The following MORF4L1 variants were observed in gnomAD, a reference collection of about 807,000 sequenced individuals.
MORF4L1 encodes the protein mortality factor 4-like protein 1.
MORF4L1 carries 4 observed loss-of-function variants against 52.9 expected under a neutral mutation model. The ratio of observed to expected loss-of-function variants is 0.08; its 90% CI spans 0.04 to 0.17. MORF4L1 has a LOEUF of 0.17. Ranked by LOEUF, MORF4L1 falls within the 10% of genes least tolerant of loss-of-function variation. MORF4L1 has a pLI of 1.00. For missense variants in MORF4L1, 214 were observed against 390.4 expected (o/e 0.55, Z 3.81); for synonymous variants, 123 against 134.8 (o/e 0.91, Z 0.61).
intron 8 of MORF4L1, among the ~76,000 whole-genome samples, chr15:78,893,202 T>G (rs772595206): frequency 3.3e-5 from 5 of 152,178 alleles, no homozygotes; most frequent in Non-Finnish European, 7.3e-5. Context: ...TTCGTGTCTG[T>G]TATGTGTGTG....
intron 1 of MORF4L1, chr15:78,873,849 C>T (rs1360744996): frequency 1.3e-5 from 2 of 152,360 alleles, no homozygotes; most frequent in South Asian, 4.1e-4. Context: ...TGTGAGTGAG[C>T]TCTCGCTTTG....
At chr15:78,886,410 A>C (rs1216850431) in intron 4 of MORF4L1, 183 bp downstream of exon 4, 1 of 605,192 alleles carries the variant, frequency 1.7e-6, no homozygotes, top group African/African-American at 1.9e-5. Flanking sequence ...AGGAAGTAGC[A>C]TACCTGCCAT....
intron 2 of MORF4L1, among the ~76,000 whole-genome samples, chr15:78,878,587 T>C (rs751907794): frequency 2.0e-5 from 3 of 148,770 alleles, no homozygotes; most frequent in Non-Finnish European, 4.5e-5. Context: ...AAGTTACTTT[T>C]AAAAGTAATA....
At chr15:78,886,395 G>C (rs2056703932) in intron 4 of MORF4L1, 168 bp downstream of exon 4, 2 of 633,004 alleles carry the variant, frequency 3.2e-6, no homozygotes, top group Non-Finnish European at 2.9e-6. Flanking sequence ...GCCATATCTA[G>C]GTAAAGGAAG....
intron 2 of MORF4L1, among the ~76,000 whole-genome samples, chr15:78,880,086 A>G (rs961158887): frequency 1.3e-5 from 2 of 152,236 alleles, no homozygotes; most frequent in Non-Finnish European, 2.9e-5. Context: ...ATTGCTTTAC[A>G]AGTTGTTTAA....
chr15:78,883,250 A>AGG (rs1410724269), intron 3 of MORF4L1, among the ~76,000 whole-genome samples: 2 of 151,674 alleles, frequency 1.3e-5, no homozygotes, highest in Non-Finnish European at 2.9e-5. Context: ...TAAAAAACTA[A>AGG]GGGAAACTAC....
intron 3 of MORF4L1, among the ~76,000 whole-genome samples, 182 bp downstream of exon 3, chr15:78,880,761 A>G (rs2056586530): frequency 6.6e-6 from 1 of 152,182 alleles, no homozygotes; most frequent in Non-Finnish European, 1.5e-5. Context: ...AGCCATTTTA[A>G]TTTAAATATA....
chr15:78,894,936 T>G (rs774134412), intron 11 of MORF4L1, 32 bp downstream of exon 11: 2 of 1,552,428 alleles, frequency 1.3e-6, no homozygotes, highest in South Asian at 1.1e-5. Context: ...TAAACATGGA[T>G]TTGAAAATTA....
Position 78,879,208 on chromosome 15 carries a change from T to C in MORF4L1, c.87+949T>C, listed in dbSNP as rs551004778. On this transcript the variant is annotated intron_variant, in intron 2 of 11. Transcript: ENST00000426013. The stretch of plus-strand genomic sequence containing the variant: ...CAACCAAGCGAGACTCTCTCTCTCT[T>C]TATTTTTATGCTCCCCGCCCCGCCC... Among the ~76,000 whole-genome samples, 16 of 152,208 alleles carry C rather than the reference T, an allele frequency of 1.1e-4. No homozygotes were observed. In the East Asian group the frequency reaches 2.7e-3, roughly 26 times the overall value.
chr15:78,896,954 A>C (rs758860313), intron 11 of MORF4L1, 29 bp from the exon 12 acceptor site: 7 of 1,589,070 alleles, frequency 4.4e-6, no homozygotes, highest in Non-Finnish European at 6.0e-6. Flanking sequence ...GACCTTTAAA[A>C]ATTTTTGTAA....
Position 78,894,072 on chromosome 15 carries a change from A to T in MORF4L1, c.644A>T (p.Asn215Ile). The change falls in exon 10 of 12, where the codon AAT (asparagine) becomes ATT (isoleucine). Residue 215 changes from asparagine to isoleucine, a missense_variant. Asn to Ile is a moderately radical substitution (Grantham distance 149). Around this residue, in one of 5 missense-constraint regions of MORF4L1, gnomAD observed 68 missense variants for 171.6 expected, o/e 0.40. Transcript: ENST00000426013. ...TCATTTATCAGGGAGTATGCGGTTA[A>T]TGAAGTTGTGGCAGGGATAAAAGAA... ...GNTDNKEYAV[N>I]EVVAGIKEYF... The T allele has an allele frequency of 6.2e-7, 1 of 1,613,130 alleles. No homozygotes were observed. Among genetic ancestry groups the T allele is most frequent in the Non-Finnish European group, 8.5e-7 (1 of 1,179,496 alleles).
intron 3 of MORF4L1, among the ~76,000 whole-genome samples, chr15:78,884,577 T>G (rs1185136967): frequency 6.7e-6 from 1 of 148,212 alleles, no homozygotes; most frequent in Non-Finnish European, 1.5e-5. Flanking sequence ...AGGCAGAGGT[T>G]GTGGTGAGCC....
At chr15:78,880,349 A>T (rs1266222445) in intron 2 of MORF4L1, among the ~76,000 whole-genome samples, 163 bp from the exon 3 acceptor site, 2 of 152,216 alleles carry the variant, frequency 1.3e-5, no homozygotes, top group East Asian at 3.8e-4. Flanking sequence ...TTTTGTGACT[A>T]ATCTTCAGTT....
chr15:78,886,287 T>A (rs1462756204), intron 4 of MORF4L1, 60 bp downstream of exon 4: 1 of 1,398,926 alleles, frequency 7.1e-7, no homozygotes, highest in Non-Finnish European at 1.0e-6. Context: ...ATTCTGGACA[T>A]GGAATGAACA....
chr15:78,873,195 A>G, intron 1 of MORF4L1, 138 bp downstream of exon 1: 7 of 1,516,972 alleles, frequency 4.6e-6, no homozygotes, highest in Non-Finnish European at 6.2e-6. Flanking sequence ...GTGCGGGGAA[A>G]GCGCATTGCG....
At chr15:78,876,626 A>T (rs1486981262) in intron 1 of MORF4L1, 1 of 455,198 alleles carries the variant, frequency 2.2e-6, no homozygotes, top group African/African-American at 2.0e-5. Context: ...GTACCAGGAG[A>T]GTGAAATTAG....
At chr15:78,891,770 A>G (rs76720797) in intron 7 of MORF4L1, 198 bp downstream of exon 7, 5,734 of 532,926 alleles carry the variant, frequency 0.011, 307 homozygotes, top group African/African-American at 0.1. Flanking sequence ...TACCTACCCA[A>G]TTGATCATTT....
At chr15:78,896,549 C>T (rs1000294617) in intron 11 of MORF4L1, among the ~76,000 whole-genome samples, 1 of 151,930 alleles carries the variant, frequency 6.6e-6, no homozygotes, top group African/African-American at 2.4e-5. Context: ...CTCAGGTGAT[C>T]AGCTTGCCTT....
chr15:78,874,807 C>T (rs1401775996), intron 1 of MORF4L1, among the ~76,000 whole-genome samples: 3 of 151,276 alleles, frequency 2.0e-5, no homozygotes, highest in African/African-American at 4.9e-5. Context: ...TTTTACTAGA[C>T]ATTTTAGAGC....
Sources: allele counts gnomAD v4.1 joint callset (sites outside exome capture counted in the v4.1 genomes callset), GRCh38; gene constraint gnomAD v4.1.1; regional missense constraint gnomAD v4.1.1; transcripts MANE v1.5; gene names NCBI Gene and HGNC (gene_info 2026-07-23, HGNC 2026-07-21).